The following ZNF385D variants were observed in gnomAD, a reference collection of about 807,000 sequenced individuals.
ZNF385D encodes the protein zinc finger protein 659.
In ZNF385D, 15 loss-of-function variants were observed where a neutral mutation model predicts 35.8. The observed-to-expected ratio is 0.42, with a 90% confidence interval of 0.28 to 0.64. The LOEUF (loss-of-function observed/expected upper bound fraction) is 0.64. Among genes scored for constraint, ZNF385D ranks in the 30% least tolerant of loss-of-function variants. The pLI, the probability that ZNF385D is intolerant of heterozygous loss-of-function variation, is 0.23. For synonymous variants in ZNF385D, 212 were observed against 186.8 expected (o/e 1.13, Z -1.10); for missense variants, 474 against 494.6 (o/e 0.96, Z 0.39).
chr3:21,522,888 CAA>C (rs893476991), intron 3 of ZNF385D, among the ~76,000 whole-genome samples: 1 of 152,114 alleles, frequency 6.6e-6, no homozygotes, highest in African/African-American at 2.4e-5. Context: ...AGTTCTAATC[CAA>C]AGAGTTTAGT....
intron 2 of ZNF385D, among the ~76,000 whole-genome samples, chr3:21,573,481 T>A (rs1029585422): frequency 3.0e-4 from 45 of 152,320 alleles, no homozygotes; most frequent in African/African-American, 1.1e-3. Flanking sequence ...AAACCTAACG[T>A]ATGACTTAAA....
intron 4 of ZNF385D, among the ~76,000 whole-genome samples, chr3:21,484,506 C>G (rs1292450317): frequency 1.3e-5 from 2 of 152,092 alleles, no homozygotes; most frequent in Non-Finnish European, 2.9e-5. Context: ...CTCCAGTGCC[C>G]CCTGCTGACA....
chr3:21,424,233 T>C lies in ZNF385D; in HGVS notation c.853-169A>G, dbSNP rs375576436. 8.3e-5 allele frequency among the ~76,000 whole-genome samples: 11 copies of C among 132,130 alleles called. No individual in the cohort carries two copies. In the South Asian group the frequency reaches 2.4e-3, roughly 29 times the overall value. 86.7% of individuals were successfully genotyped at this position (132,130 alleles called of 152,430 possible). ...CTGAGATTCTGATGCCTTGAGGATA[T>C]ATATTTTTATGCTATCCATATATAT... On this transcript the variant is annotated intron_variant, in intron 6 of 7. Transcript: ENST00000281523.
intron 2 of ZNF385D, among the ~76,000 whole-genome samples, chr3:22,356,765 T>A (rs748683811): frequency 1.7e-4 from 25 of 151,510 alleles, no homozygotes; most frequent in Non-Finnish European, 2.9e-4. Context: ...TGCAAAGTGA[T>A]TAGATAGACA....
chr3:21,667,411 C>G (rs1320401181), intron 1 of ZNF385D, among the ~76,000 whole-genome samples: 1 of 152,180 alleles, frequency 6.6e-6, no homozygotes, highest in Non-Finnish European at 1.5e-5. Context: ...ATCCACCCAC[C>G]TCGGCCTCCC....
chr3:21,907,916 A>G (rs1699761000), intron 3 of ZNF385D, among the ~76,000 whole-genome samples: 1 of 152,122 alleles, frequency 6.6e-6, no homozygotes, highest in Admixed American at 6.6e-5. Context: ...TATTAGAAAT[A>G]GGCCCAGAAA....
intron 3 of ZNF385D, among the ~76,000 whole-genome samples, chr3:21,523,949 G>A (rs890492932): frequency 5.3e-5 from 8 of 151,996 alleles, no homozygotes; most frequent in Non-Finnish European, 7.4e-5. Flanking sequence ...TGATTATGAC[G>A]GTGAAAACAG....
chr3:21,795,406 G>T (rs900864905), intron 3 of ZNF385D, among the ~76,000 whole-genome samples: 31 of 152,206 alleles, frequency 2.0e-4, no homozygotes, highest in Non-Finnish European at 3.2e-4. Flanking sequence ...CTGAGGGCGG[G>T]GCACATAGCC....
intron 2 of ZNF385D, among the ~76,000 whole-genome samples, chr3:22,336,143 G>T (rs927721146): frequency 3.9e-5 from 6 of 152,012 alleles, no homozygotes; most frequent in Admixed American, 1.3e-4. Context: ...TTTATTATTG[G>T]ATAAGGCTCA....
chr3:22,190,897 A>G (rs767206833), intron 2 of ZNF385D, among the ~76,000 whole-genome samples: 16 of 152,202 alleles, frequency 1.1e-4, no homozygotes, highest in African/African-American at 3.6e-4. Context: ...ACTATAAAGG[A>G]TACTCTGTGA....
chr3:21,576,988 T>C (rs938874902), intron 2 of ZNF385D, among the ~76,000 whole-genome samples: 2 of 152,196 alleles, frequency 1.3e-5, no homozygotes, highest in African/African-American at 4.8e-5. Flanking sequence ...ACCTCTAACA[T>C]TTATCAGTTC....
chr3:21,634,683 TAA>T, intron 2 of ZNF385D, among the ~76,000 whole-genome samples: 1 of 152,104 alleles, frequency 6.6e-6, no homozygotes, highest in Non-Finnish European at 1.5e-5. Context: ...ACGTTCCTGG[TAA>T]ATTGCATGTC....
intron 1 of ZNF385D, among the ~76,000 whole-genome samples, chr3:21,688,368 A>G (rs2067176794): frequency 6.6e-6 from 1 of 152,150 alleles, no homozygotes; most frequent in Non-Finnish European, 1.5e-5. Flanking sequence ...TATTTATTAT[A>G]AATAAAGCTG....
At chr3:21,902,663 T>C (rs1209866021) in intron 3 of ZNF385D, among the ~76,000 whole-genome samples, 3 of 152,142 alleles carry the variant, frequency 2.0e-5, no homozygotes, top group Non-Finnish European at 4.4e-5. Flanking sequence ...CTATTTTTAT[T>C]TATTTCTAAA....
Position 21,522,749 on chromosome 3 carries a change from A to C in ZNF385D, c.277-11726T>G, listed in dbSNP as rs574542022. Among the ~76,000 whole-genome samples the C allele has an allele frequency of 2.6e-5, 4 of 152,302 alleles. No individual in the cohort carries two copies. The East Asian group carries it at 7.7e-4, about 29-fold the overall frequency. ...AGTGGCAATGACTCTAGAAGCCTGA[A>C]TTATCTGAACATGTACACATAACTG... is the stretch of plus-strand genomic sequence containing the variant. On this transcript the variant is annotated intron_variant, in intron 3 of 7. Transcript: ENST00000281523.
intron 3 of ZNF385D, among the ~76,000 whole-genome samples, chr3:22,083,985 C>A (rs1302194348): frequency 6.6e-6 from 1 of 152,094 alleles, no homozygotes; most frequent in Admixed American, 6.5e-5. Context: ...CCAAACTAAG[C>A]TTCATACGTG....
intron 3 of ZNF385D, among the ~76,000 whole-genome samples, chr3:21,969,985 G>C (rs528586943): frequency 5.3e-5 from 8 of 152,186 alleles, no homozygotes; most frequent in Non-Finnish European, 1.0e-4. Flanking sequence ...GTCTGCAAGA[G>C]TTACTGTGTT....
chr3:21,537,855 C>T (rs1242389663), intron 3 of ZNF385D, among the ~76,000 whole-genome samples: 1 of 152,032 alleles, frequency 6.6e-6, no homozygotes, highest in Admixed American at 6.5e-5. Context: ...ACAGAAAAGC[C>T]ACCTGCTCTT....
intron 2 of ZNF385D, among the ~76,000 whole-genome samples, chr3:22,331,289 T>C (rs914747405): frequency 6.6e-6 from 1 of 152,160 alleles, no homozygotes; most frequent in Admixed American, 6.5e-5. Context: ...GCTAGAACTA[T>C]ACATGAAAAT....
Sources: gnomAD v4.1 joint callset for allele counts (sites outside exome capture counted in the v4.1 genomes callset) on GRCh38, gnomAD v4.1.1 for gene constraint, MANE v1.5 for transcripts, NCBI Gene and HGNC (gene_info 2026-07-23, HGNC 2026-07-21) for gene names.